The following ARNT variants were observed in gnomAD, a reference collection of about 807,000 sequenced individuals.
ARNT encodes class E basic helix-loop-helix protein 2.
In ARNT, 30 loss-of-function variants were observed where a neutral mutation model predicts 105.0. The observed-to-expected ratio is 0.29, with a 90% CI of 0.21 to 0.39. The LOEUF (loss-of-function observed/expected upper bound fraction) is 0.39. ARNT is among the 10% of genes least tolerant of loss of function. The pLI is 1.00. For missense variants in ARNT, 748 were observed against 978.7 expected, an observed-to-expected ratio of 0.76 and a Z score of 3.15; for synonymous variants, 304 against 344.0, an observed-to-expected ratio of 0.88 and a Z score of 1.29.
In ARNT at chr1:150,816,996, C is replaced by T. The variant is rs1656021093; in HGVS notation, c.1699+86G>A. ...GGTATTATGATTAAGTGGAAAAACA[C>T]TGGAAGATTACTGACTGGGCAGTGG... On this transcript the variant is annotated intron_variant, in intron 17 of 21. Transcript: ENST00000358595. 6 of 1,605,414 alleles carry T rather than the reference C, an allele frequency of 3.7e-6. No homozygotes were observed. In the Admixed American group the frequency reaches 8.6e-5, roughly 23 times the overall value.
At chr1:150,816,154 T>C in intron 19 of ARNT, 105 bp downstream of exon 19, 1 of 1,377,322 alleles carries the variant, frequency 7.3e-7, no homozygotes, top group Non-Finnish European at 9.9e-7. Flanking sequence ...AGAACAGGGG[T>C]TGGGGAGAAG....
chr1:150,847,021 G>T (rs140023630), intron 3 of ARNT, among the ~76,000 whole-genome samples: 7 of 152,292 alleles, frequency 4.6e-5, no homozygotes, highest in African/African-American at 1.7e-4. Context: ...ATCTGTCAGT[G>T]GACATTTCGG....
intron 7 of ARNT, among the ~76,000 whole-genome samples, chr1:150,835,068 T>C (rs1364796322): frequency 6.8e-6 from 1 of 147,606 alleles, no homozygotes; most frequent in Non-Finnish European, 1.5e-5. Context: ...TTTGAGGCTG[T>C]AGTGTGCTAT....
chr1:150,840,687 A>C (rs1215083601), intron 5 of ARNT, among the ~76,000 whole-genome samples: 1 of 152,216 alleles, frequency 6.6e-6, no homozygotes, highest in East Asian at 1.9e-4. Context: ...AGTGGAATGG[A>C]GAGGAGGATG....
intron 1 of ARNT, among the ~76,000 whole-genome samples, chr1:150,872,339 A>G (rs1667586281): frequency 6.6e-6 from 1 of 152,220 alleles, no homozygotes; most frequent in Non-Finnish European, 1.5e-5. Context: ...GGTAACAGGT[A>G]AGAATTGTGT....
intron 1 of ARNT, 149 bp from the exon 2 acceptor site, chr1:150,858,609 CTTCTT>C (rs1665041788): frequency 1.8e-6 from 1 of 558,662 alleles, no homozygotes; most frequent in South Asian, 2.2e-5. Context: ...CCAGATTGCT[CTTCTT>C]GATTTTTTTT....
chr1:150,864,273 T>C (rs981310269), intron 1 of ARNT, among the ~76,000 whole-genome samples: 1 of 152,140 alleles, frequency 6.6e-6, no homozygotes, highest in Admixed American at 6.5e-5. Flanking sequence ...CCATCATACA[T>C]GCAGTCCTTT....
chr1:150,846,021 T>C (rs751875276), intron 4 of ARNT, among the ~76,000 whole-genome samples: 5 of 152,222 alleles, frequency 3.3e-5, no homozygotes, highest in East Asian at 1.9e-4. Flanking sequence ...TGCAAGCACA[T>C]TGCTTTAGTT....
chr1:150,813,666 C>T (rs1307561555), intron 20 of ARNT, among the ~76,000 whole-genome samples: 5 of 150,540 alleles, frequency 3.3e-5, no homozygotes, highest in South Asian at 2.1e-4. Flanking sequence ...TTTTTTGAGA[C>T]GGAGTTTCAC....
intron 3 of ARNT, among the ~76,000 whole-genome samples, chr1:150,852,436 A>G (rs1209017035): frequency 6.6e-6 from 1 of 152,136 alleles, no homozygotes; most frequent in African/African-American, 2.4e-5. Context: ...ATGCAGTCTT[A>G]TGAGTGAGTC....
chr1:150,875,781 G>A (rs773925763), intron 1 of ARNT, among the ~76,000 whole-genome samples: 1 of 152,190 alleles, frequency 6.6e-6, no homozygotes, highest in Non-Finnish European at 1.5e-5. Context: ...TTGAAATTGA[G>A]AAATGGTGTG....
In ARNT at chr1:150,821,828, CTTTTTTTTTTTT is replaced by C. The variant is rs367766946; in HGVS notation, c.1394+1354_1394+1365del. On this transcript the variant is annotated intron_variant, in intron 14 of 21. Transcript: ENST00000358595. ...CATGCCCAGCTAATTTTTGTATTTT[CTTTTTTTTTTTT>C]TTTTTTTTTTCAGTAGAGACAGGGT... Among the ~76,000 whole-genome samples the C allele has an allele frequency of 3.5e-5, 4 of 114,910 alleles. 1 individual carries two copies. In the South Asian group the frequency reaches 7.7e-4, roughly 22 times the overall value. The allele number at this position is 114,910 out of a possible 152,430, so 75.4% of individuals were successfully genotyped here. A position where few individuals can be genotyped will look rare whatever the true frequency, so the allele number is the denominator to read the frequency against.
At chr1:150,872,022 T>A (rs1327760446) in intron 1 of ARNT, among the ~76,000 whole-genome samples, 4 of 151,246 alleles carry the variant, frequency 2.6e-5, no homozygotes, top group Non-Finnish European at 5.9e-5. Context: ...AGTGGCATGA[T>A]CACAGCTCAC....
In ARNT at chr1:150,810,425, T is replaced by C; in HGVS notation, c.*1596A>G. The C allele has an allele frequency of 4.5e-6, 1 of 223,054 alleles. No individual in the cohort carries two copies. The highest frequency in any genetic ancestry group is 6.5e-5 in the East Asian group (1 of 15,398). The allele number at this position is 223,054 out of a possible 1,614,324, so 13.8% of individuals were successfully genotyped here. A position where few individuals can be genotyped will look rare whatever the true frequency, so the allele number is the denominator to read the frequency against. On this transcript the variant is annotated 3_prime_UTR_variant, in exon 22 of 22. Transcript: ENST00000358595. ...TATAAATATATATGTATACTGTAAG[T>C]GTGCACATAGAATAAAAAAATAAAC... is the stretch of plus-strand genomic sequence containing the variant.
At chr1:150,838,599 T>C (rs974586765) in intron 6 of ARNT, among the ~76,000 whole-genome samples, 1 of 152,244 alleles carries the variant, frequency 6.6e-6, no homozygotes, top group Non-Finnish European at 1.5e-5. Flanking sequence ...TCTCTCCTTC[T>C]TTCTAATCAT....
At chr1:150,869,205 C>T (rs919601996) in intron 1 of ARNT, among the ~76,000 whole-genome samples, 6 of 151,988 alleles carry the variant, frequency 3.9e-5, no homozygotes, top group East Asian at 1.9e-4. Context: ...AGGCTGGGCG[C>T]GCTAGCTCAA....
chr1:150,823,802 G>A (rs1427037369), intron 13 of ARNT, among the ~76,000 whole-genome samples: 23 of 150,008 alleles, frequency 1.5e-4, no homozygotes, highest in South Asian at 4.2e-4. Flanking sequence ...CGCCCGCCTC[G>A]GCCTCCCAAA....
In ARNT at chr1:150,810,623, A is replaced by G. The variant is rs1245797670; in HGVS notation, c.*1398T>C. On this transcript the variant is annotated 3_prime_UTR_variant, in exon 22 of 22. Transcript: ENST00000358595. ...AGTCTTGCACTTTAGCTACTGGCCA[A>G]AGCCAATTTAAAAAAAAAAAAAAAA... 1.4e-5 allele frequency: 3 copies of G among 212,886 alleles called. No homozygotes were observed. The highest frequency in any genetic ancestry group is 6.9e-5 in the African/African-American group (3 of 43,792). The allele number at this position is 212,886 out of a possible 1,614,324, so 13.2% of individuals were successfully genotyped here.
Position 150,809,983 on chromosome 1 carries a change from T to A in ARNT, c.*2038A>T, listed in dbSNP as rs587619661. On this transcript the variant is annotated 3_prime_UTR_variant, in exon 22 of 22. Transcript: ENST00000358595. ...GAAATTAAAGACACAATGTGCCTTA[T>A]GTTTGTATGTCTGGAGCTTAAACTA... 5.3e-5 allele frequency: 12 copies of A among 227,638 alleles called. No individual in the cohort carries two copies. In the South Asian group the frequency reaches 2.2e-3, roughly 42 times the overall value. The allele number at this position is 227,638 out of a possible 1,614,324, so 14.1% of individuals were successfully genotyped here.
Sources: gnomAD v4.1 joint callset for allele counts (sites outside exome capture counted in the v4.1 genomes callset) on GRCh38, gnomAD v4.1.1 for gene constraint, MANE v1.5 for transcripts, NCBI Gene and HGNC (gene_info 2026-07-23, HGNC 2026-07-21) for gene names.